The following AP2M1 variants were observed in gnomAD, a reference collection of about 807,000 sequenced individuals.
AP2M1 encodes the protein AP-2 complex subunit mu.
AP2M1 carries 5 observed loss-of-function variants against 54.5 expected under a neutral mutation model. The ratio of observed to expected loss-of-function variants is 0.09; its 90% CI spans 0.05 to 0.19. The LOEUF (loss-of-function observed/expected upper bound fraction) is 0.19. Ranked by LOEUF, AP2M1 falls within the 10% of genes least tolerant of loss-of-function variation. The pLI, the probability that AP2M1 is intolerant of heterozygous loss-of-function variation, is 1.00. For missense variants in AP2M1, 178 were observed against 580.2 expected, an observed-to-expected ratio of 0.31 and a Z score of 7.12; for synonymous variants, 186 against 208.2, an observed-to-expected ratio of 0.89 and a Z score of 0.92.
rs1253409226 is a variant in AP2M1 at position 184,177,065 on chromosome 3, C to T, written c.72C>T (p.Ile24=). The change falls in exon 2 of 12, where the codon ATC becomes ATT. Residue 24 remains isoleucine (I), a splice_region_variant and synonymous_variant. Coordinates refer to ENST00000292807, the MANE Select transcript of AP2M1 (RefSeq NM_004068.4). ...VLISRVYRDD[I]GRNAVDAFRV... ...TCTCCCGAGTCTACCGAGATGACAT[C>T]GGGTGAGTCCCCTGGCGGAGCCAGC... is the stretch of plus-strand genomic sequence containing the variant. 2 of 1,613,332 alleles carry T rather than the reference C, an allele frequency of 1.2e-6. No individual in the cohort carries two copies. Among genetic ancestry groups the T allele is most frequent in the Non-Finnish European group, 1.7e-6 (2 of 1,179,762 alleles).
chr3:184,182,805 T>C lies in AP2M1; in HGVS notation c.1110T>C (p.Ile370=). ...GMKESQISAE[I]ELLPTNDKKK... is the part of the protein sequence containing the mutation. Reference sequence around the variant, plus strand: ...AGGAATCGCAGATCAGCGCAGAGATTGAGCTTCTGCCTACCAACGACAAGA... The same window carrying C: ...AGGAATCGCAGATCAGCGCAGAGATCGAGCTTCTGCCTACCAACGACAAGA... Residue 370 remains isoleucine, a synonymous_variant, in exon 11 of 12, where the codon ATT becomes ATC. Transcript: ENST00000292807. The surrounding 1 kb of genome is among the most constrained non-coding windows in gnomAD (Gnocchi z 5.5). The C allele has an allele frequency of 6.2e-7, 1 of 1,614,060 alleles. No homozygotes were observed. Among genetic ancestry groups the C allele is most frequent in the Non-Finnish European group, 8.5e-7 (1 of 1,180,002 alleles).
At position 184,183,559 on chromosome 3, in the gene AP2M1, T is replaced by C. The variant is rs1488958639; in HGVS notation, c.1251T>C (p.Asp417=). 2.5e-6 allele frequency: 4 copies of C among 1,614,012 alleles called. No individual in the cohort carries two copies. The African/African-American group carries it at 4.0e-5, about 16-fold the overall frequency. The change falls in exon 12 of 12, where the codon GAT becomes GAC. Residue 417 remains aspartate (D), a synonymous_variant. Coordinates refer to ENST00000292807, the MANE Select transcript of AP2M1 (RefSeq NM_004068.4). The surrounding 1 kb of genome is among the most constrained non-coding windows in gnomAD (Gnocchi z 5.7). ...FEPKLNYSDH[D]VIKWVRYIGR... ...CGAAGCTGAACTACAGCGACCATGA[T>C]GTCATCAAATGGGTGCGCTACATTG...
At position 184,182,393 on chromosome 3, in the gene AP2M1, T is replaced by G; in HGVS notation, c.1061+145T>G. 3 of 832,826 alleles carry G rather than the reference T, an allele frequency of 3.6e-6. No individual in the cohort carries two copies. The highest frequency in any genetic ancestry group is 5.6e-6 in the Non-Finnish European group (3 of 539,012). The allele number at this position is 832,826 out of a possible 1,614,324, so 51.6% of individuals were successfully genotyped here. On this transcript the variant is annotated intron_variant, in intron 10 of 11. Coordinates refer to ENST00000292807, the MANE Select transcript of AP2M1 (RefSeq NM_004068.4). This position sits in a 1 kb window ranked among gnomAD's most constrained non-coding sequence, Gnocchi z 5.5. ...CCTCTGCTTGTACTGTCAGTCTTTA[T>G]ACCTCCATGTGAGTATGTACACGCC...
intron 1 of AP2M1, 183 bp downstream of exon 1, chr3:184,175,142 G>A: frequency 2.5e-6 from 1 of 395,226 alleles, no homozygotes. Flanking sequence ...CGCGATTGCA[G>A]GGCTGGCGGG....
Position 184,182,727 on chromosome 3 carries a change from A to G in AP2M1, c.1062-30A>G, listed in dbSNP as rs1271261829. On this transcript the variant is annotated intron_variant, in intron 10 of 11. Coordinates refer to ENST00000292807, the MANE Select transcript of AP2M1 (RefSeq NM_004068.4). The surrounding 1 kb of genome is among the most constrained non-coding windows in gnomAD (Gnocchi z 5.5). ...GCCCTTGAAACTCCTCCAAGCCCCA[A>G]TGGGCTGCCCATTGTCCCTGTGTTC... The G allele has an allele frequency of 4.4e-6, 7 of 1,602,138 alleles. No homozygotes were observed. The highest frequency in any genetic ancestry group is 1.7e-4 in the Middle Eastern group (1 of 6,030).
chr3:184,179,085 C>G lies in AP2M1; in HGVS notation c.303C>G (p.Ile101Met). ...AYFGKISEENIKNNFVLIYEL... is the reference protein window; with the variant it reads ...AYFGKISEENMKNNFVLIYEL... ...TTGGCAAGATCAGCGAGGAAAACAT[C>G]AAGAACAATTTTGTGCTCATATATG... Residue 101 changes from isoleucine (I) to methionine (M), a missense_variant, in exon 3 of 12, where the codon ATC becomes ATG. This residue lies in a region of AP2M1 where 115 missense variants were observed against 331.2 expected (regional missense o/e 0.35). Transcript: ENST00000292807. 6.2e-7 allele frequency: 1 copy of G among 1,614,082 alleles called. No individual in the cohort carries two copies. Among genetic ancestry groups the G allele is most frequent in the South Asian group, 1.1e-5 (1 of 91,078 alleles).
Position 184,180,903 on chromosome 3 carries a change from C to T in AP2M1, c.484C>T (p.Arg162Trp). ...TSQVTGQIGW[R>W]REGIKYRRNE... ...CCAGGTAACTGGGCAGATTGGCTGG[C>T]GGCGAGAGGGTATCAAGTATCGTCG... The change falls in exon 6 of 12, where the codon CGG becomes TGG. Residue 162 changes from arginine to tryptophan, a missense_variant. Coordinates refer to ENST00000292807, the MANE Select transcript of AP2M1 (RefSeq NM_004068.4). The surrounding 1 kb of genome is among the most constrained non-coding windows in gnomAD (Gnocchi z 4.9). 6.2e-7 allele frequency: 1 copy of T among 1,613,788 alleles called. No homozygotes were observed. The highest frequency in any genetic ancestry group is 8.5e-7 in the Non-Finnish European group (1 of 1,180,016).
chr3:184,180,649 A>G lies in AP2M1; in HGVS notation c.428A>G (p.Gln143Arg). 1.2e-6 allele frequency: 2 copies of G among 1,614,156 alleles called. No individual in the cohort carries two copies. Among genetic ancestry groups the G allele is most frequent in the Non-Finnish European group, 1.7e-6 (2 of 1,180,034 alleles). The change falls in exon 5 of 12, where the codon CAG becomes CGG. Residue 143 changes from glutamine to arginine, a missense_variant and splice_region_variant. Around this residue, in one of 5 missense-constraint regions of AP2M1, gnomAD observed 115 missense variants for 331.2 expected, o/e 0.35. Transcript: ENST00000292807. This position sits in a 1 kb window ranked among gnomAD's most constrained non-coding sequence, Gnocchi z 4.9. ...CGTTGGCCCTGCGGCCTCCAGCATC[A>G]GGTAAGCTCTTCCCTCAGCTTCCAC... Reference protein sequence around the residue: ...ITQQGIKSQHQTKEEQSQITS... With the variant: ...ITQQGIKSQHRTKEEQSQITS...
At position 184,183,259 on chromosome 3, in the gene AP2M1, G is replaced by A; in HGVS notation, c.1174-223G>A. 1.7e-6 allele frequency: 1 copy of A among 604,706 alleles called. No individual in the cohort carries two copies. Among genetic ancestry groups the A allele is most frequent in the East Asian group, 2.8e-5 (1 of 35,174 alleles). 37.5% of individuals were successfully genotyped at this position (604,706 alleles called of 1,614,324 possible). Reference sequence around the variant, plus strand: ...AAGTATGTTCTAAAGCAGTTCTTTGGTTGCTGTCTCCTGCTGATTAAAGGA... The same window carrying A: ...AAGTATGTTCTAAAGCAGTTCTTTGATTGCTGTCTCCTGCTGATTAAAGGA... On this transcript the variant is annotated intron_variant, in intron 11 of 11. Transcript: ENST00000292807. This position sits in a 1 kb window ranked among gnomAD's most constrained non-coding sequence, Gnocchi z 5.7.
At position 184,174,879 on chromosome 3, in the gene AP2M1, G is replaced by A. The variant is rs1042493486; in HGVS notation, c.-124G>A. 7.5e-6 allele frequency: 3 copies of A among 398,368 alleles called. No individual in the cohort carries two copies. The highest frequency in any genetic ancestry group is 1.3e-5 in the Non-Finnish European group (3 of 225,840). 24.7% of individuals were successfully genotyped at this position (398,368 alleles called of 1,614,324 possible). ...CACTGCGGTGAAAGCCGAGGCAGCGGGCAGACGAGCAGGGGGCGGGCGGAC... is the reference window on the plus strand; with the variant it reads ...CACTGCGGTGAAAGCCGAGGCAGCGAGCAGACGAGCAGGGGGCGGGCGGAC... On this transcript the variant is annotated 5_prime_UTR_variant, in exon 1 of 12. Coordinates refer to ENST00000292807, the MANE Select transcript of AP2M1 (RefSeq NM_004068.4).
Position 184,178,263 on chromosome 3 carries a change from T to TG in AP2M1, c.75-589dup. 1 of 1,534,324 alleles carries TG rather than the reference T, an allele frequency of 6.5e-7. No homozygotes were observed. Among genetic ancestry groups the TG allele is most frequent in the Non-Finnish European group, 8.7e-7 (1 of 1,145,260 alleles). ...AAGCTGCTGCCCAGGTACAGGTGGG[T>TG]GGGGGCCTGCCCCCATCGTTTTCCT... is the stretch of plus-strand genomic sequence containing the variant. On this transcript the variant is annotated intron_variant, in intron 2 of 11. Coordinates refer to ENST00000292807, the MANE Select transcript of AP2M1 (RefSeq NM_004068.4). The surrounding 1 kb of genome is among the most constrained non-coding windows in gnomAD (Gnocchi z 4.9).
In AP2M1 at chr3:184,181,990, G is replaced by A. The variant is rs1234271415; in HGVS notation, c.906G>A (p.Glu302=). The change falls in exon 9 of 12, where the codon GAG becomes GAA. Residue 302 remains glutamate, a synonymous_variant. Transcript: ENST00000292807. This position sits in a 1 kb window ranked among gnomAD's most constrained non-coding sequence, Gnocchi z 5.7. ...GAGAAGTGGGACGCACCAAACTGGA[G>A]GTCAAGGTGGTCATCAAGTCCAACT... ...LVREVGRTKL[E]VKVVIKSNFK... 6.2e-7 allele frequency: 1 copy of A among 1,614,178 alleles called. No homozygotes were observed. Among genetic ancestry groups the A allele is most frequent in the South Asian group, 1.1e-5 (1 of 91,070 alleles).
chr3:184,181,384 G>C lies in AP2M1; in HGVS notation c.707+158G>C, dbSNP rs555041412. 1 of 1,144,212 alleles carries C rather than the reference G, an allele frequency of 8.7e-7. No homozygotes were observed. Among genetic ancestry groups the C allele is most frequent in the Admixed American group, 2.4e-5 (1 of 41,314 alleles). 70.9% of individuals were successfully genotyped at this position (1,144,212 alleles called of 1,614,324 possible). A position where few individuals can be genotyped will look rare whatever the true frequency, so the allele number is the denominator to read the frequency against. ...TGTTCGCTCTTGACATTAGTGCTAC[G>C]AGAGATGAGGGGATCGTCCTCAGAG... is the stretch of plus-strand genomic sequence containing the variant. On this transcript the variant is annotated intron_variant, in intron 7 of 11. Coordinates refer to ENST00000292807, the MANE Select transcript of AP2M1 (RefSeq NM_004068.4). This position sits in a 1 kb window ranked among gnomAD's most constrained non-coding sequence, Gnocchi z 5.7.
rs1260795944 is a variant in AP2M1 at position 184,178,035 on chromosome 3, C to T, written c.75-822C>T. On this transcript the variant is annotated intron_variant, in intron 2 of 11. Coordinates refer to ENST00000292807, the MANE Select transcript of AP2M1 (RefSeq NM_004068.4). The surrounding 1 kb of genome is among the most constrained non-coding windows in gnomAD (Gnocchi z 4.9). ...ACCCCCCACCCCAGACCCCCTCCTG[C>T]CTTGGATGGACTGGGCAAGCCAAGG... Among the ~76,000 whole-genome samples, 1 of 152,122 alleles carries T rather than the reference C, an allele frequency of 6.6e-6. No homozygotes were observed. Among genetic ancestry groups the T allele is most frequent in the Non-Finnish European group, 1.5e-5 (1 of 68,024 alleles).
chr3:184,180,584 C>T lies in AP2M1; in HGVS notation c.424-61C>T, dbSNP rs1426057817. 11 of 1,612,324 alleles carry T rather than the reference C, an allele frequency of 6.8e-6. No individual in the cohort carries two copies. Among genetic ancestry groups the T allele is most frequent in the East Asian group, 4.5e-5 (2 of 44,886 alleles). On this transcript the variant is annotated intron_variant, in intron 4 of 11. Coordinates refer to ENST00000292807, the MANE Select transcript of AP2M1 (RefSeq NM_004068.4). The surrounding 1 kb of genome is among the most constrained non-coding windows in gnomAD (Gnocchi z 4.9). ...TAGGATCCAAGCCTCATAGCTTTCT[C>T]CTCCTTTTCTGCCTCCCTTGCTGCT...
chr3:184,178,937 G>C lies in AP2M1; in HGVS notation c.155G>C (p.Arg52Pro). ...CGCAGCCCCGTCACCAACATTGCTC[G>C]CACCAGCTTCTTCCACGTTAAGCGG... The part of the protein sequence containing the change: ...QVRSPVTNIA[R>P]TSFFHVKRSN... The change falls in exon 3 of 12, where the codon CGC (arginine) becomes CCC (proline). Residue 52 changes from arginine (R) to proline (P), a missense_variant. Around this residue, in one of 5 missense-constraint regions of AP2M1, gnomAD observed 115 missense variants for 331.2 expected, o/e 0.35. Coordinates refer to ENST00000292807, the MANE Select transcript of AP2M1 (RefSeq NM_004068.4). The surrounding 1 kb of genome is among the most constrained non-coding windows in gnomAD (Gnocchi z 4.9). The C allele has an allele frequency of 6.2e-7, 1 of 1,614,142 alleles. No homozygotes were observed. Among genetic ancestry groups the C allele is most frequent in the Non-Finnish European group, 8.5e-7 (1 of 1,180,040 alleles).
Position 184,181,965 on chromosome 3 carries a change from G to A in AP2M1, c.881G>A (p.Arg294Gln), listed in dbSNP as rs1409982122. 5.6e-6 allele frequency: 9 copies of A among 1,614,058 alleles called. No homozygotes were observed. Among genetic ancestry groups the A allele is most frequent in the African/African-American group, 4.0e-5 (3 of 74,910 alleles). ...CCCTTCCGGGTGATCCCGCTAGTGC[G>A]AGAAGTGGGACGCACCAAACTGGAG... ...ILPFRVIPLV[R>Q]EVGRTKLEVK... Residue 294 changes from arginine (R) to glutamine (Q), a missense_variant, in exon 9 of 12, where the codon CGA becomes CAA. This residue lies in a region of AP2M1 where 59 missense variants were observed against 176.8 expected (regional missense o/e 0.33). Transcript: ENST00000292807. This position sits in a 1 kb window ranked among gnomAD's most constrained non-coding sequence, Gnocchi z 5.7.
chr3:184,176,923 T>C (rs1020947170), intron 1 of AP2M1, 28 bp from the exon 2 acceptor site: 1 of 1,525,894 alleles, frequency 6.6e-7, no homozygotes, highest in Non-Finnish European at 8.9e-7. Flanking sequence ...TCTGAGGTCT[T>C]CTTTTACCCT....
chr3:184,175,191 T>A (rs778735438), intron 1 of AP2M1: 4 of 390,344 alleles, frequency 1.0e-5, no homozygotes, highest in Non-Finnish European at 1.8e-5. Context: ...GCGCCTCCCA[T>A]GAGAGGGATA....
Sources: gnomAD v4.1 joint callset for allele counts (sites outside exome capture counted in the v4.1 genomes callset) on GRCh38, gnomAD v4.1.1 for gene constraint, gnomAD v4.1.1 regional missense constraint, Gnocchi (gnomAD v3.1) non-coding constraint, MANE v1.5 for transcripts, NCBI Gene and HGNC (gene_info 2026-07-23, HGNC 2026-07-21) for gene names.